Variants in PSD3 observed in about 807,000 individuals in gnomAD.
PSD3 encodes the protein PH and SEC7 domain-containing protein 3.
Under a neutral mutation model 105.5 loss-of-function variants are expected in PSD3, and 49 were observed. That is an observed-to-expected ratio of 0.46 (90% CI 0.37 to 0.59). The LOEUF (loss-of-function observed/expected upper bound fraction) is 0.59, where lower values mean the gene tolerates loss of function less well. Among genes scored for constraint, PSD3 ranks in the 20% least tolerant of loss-of-function variants. The pLI is 0.00. For synonymous variants in PSD3, 557 were observed against 457.8 expected, an observed-to-expected ratio of 1.22 and a Z score of -2.77; for missense variants, 1,561 against 1,263.8, an observed-to-expected ratio of 1.24 and a Z score of -3.57.
At chr8:18,857,327 T>A (rs907350578) in intron 4 of PSD3, among the ~76,000 whole-genome samples, 2 of 152,204 alleles carry the variant, frequency 1.3e-5, no homozygotes, top group African/African-American at 4.8e-5. Context: ...GGGAATGTGT[T>A]AAAATGCAAA....
At chr8:18,637,816 A>G (rs1479472278) in intron 10 of PSD3, among the ~76,000 whole-genome samples, 13 of 152,196 alleles carry the variant, frequency 8.5e-5, no homozygotes, top group Admixed American at 1.3e-4. Context: ...ATCAATCTGG[A>G]AGAAAGATTT....
chr8:18,706,695 G>T (rs1292037234), intron 9 of PSD3, among the ~76,000 whole-genome samples: 1 of 152,192 alleles, frequency 6.6e-6, no homozygotes, highest in Non-Finnish European at 1.5e-5. Flanking sequence ...TGTGAGGTTT[G>T]TGGACCTTTG....
At chr8:18,883,072 A>G (rs980133414) in intron 2 of PSD3, among the ~76,000 whole-genome samples, 1 of 152,148 alleles carries the variant, frequency 6.6e-6, no homozygotes, top group African/African-American at 2.4e-5. Context: ...CTTGTTAGAA[A>G]TTCAGACTCT....
intron 1 of PSD3, among the ~76,000 whole-genome samples, chr8:18,972,391 T>C (rs922599136): frequency 6.6e-6 from 1 of 152,212 alleles, no homozygotes; most frequent in Non-Finnish European, 1.5e-5. Flanking sequence ...AACAGACAGA[T>C]GTGATCAAAG....
At chr8:18,872,762 C>T (rs1304024342) in intron 2 of PSD3, 29 bp from the exon 3 acceptor site, 32 of 1,514,064 alleles carry the variant, frequency 2.1e-5, no homozygotes, top group Non-Finnish European at 2.7e-5. Context: ...GGACATATGA[C>T]TTGTTGTAGA....
intron 10 of PSD3, among the ~76,000 whole-genome samples, chr8:18,645,500 T>C (rs1368822817): frequency 6.6e-6 from 1 of 152,210 alleles, no homozygotes; most frequent in African/African-American, 2.4e-5. Context: ...TGAATATAAA[T>C]AGAACAATCA....
rs1339440074 is a variant in PSD3 at position 18,774,734 on chromosome 8, G to T, written c.2083-9196C>A. ...TCCTGAGGTTTGTTTTCTGAGTTTGGCTAATGACGGTGAGAACACAGGCAA... is the reference window on the plus strand; with the variant it reads ...TCCTGAGGTTTGTTTTCTGAGTTTGTCTAATGACGGTGAGAACACAGGCAA... On this transcript the variant is annotated intron_variant, in intron 8 of 15. Coordinates refer to ENST00000327040, the MANE Select transcript of PSD3 (RefSeq NM_015310.4). 3.6e-5 allele frequency: 13 copies of T among 363,444 alleles called. No homozygotes were observed. The Admixed American group carries it at 3.7e-4, about 10-fold the overall frequency. The allele number at this position is 363,444 out of a possible 1,614,324, so 22.5% of individuals were successfully genotyped here.
At chr8:18,950,681 G>A (rs182601751) in intron 1 of PSD3, among the ~76,000 whole-genome samples, 1 of 151,900 alleles carries the variant, frequency 6.6e-6, no homozygotes, top group Non-Finnish European at 1.5e-5. Context: ...ACATCACTTT[G>A]TACCCCATAA....
chr8:18,679,024 G>A (rs10108423), intron 9 of PSD3, among the ~76,000 whole-genome samples: 23,693 of 113,262 alleles, frequency 0.21, 5,167 homozygotes, highest in African/African-American at 0.55. Flanking sequence ...ACAAAAATAT[G>A]TAAAGACATT....
At chr8:19,009,250 C>A (rs1826843779) in intron 1 of PSD3, among the ~76,000 whole-genome samples, 1 of 151,660 alleles carries the variant, frequency 6.6e-6, no homozygotes, top group Admixed American at 6.6e-5. Flanking sequence ...ATGAATTAGT[C>A]ATCCAATATT....
chr8:18,594,184 AT>A (rs1236707463), intron 12 of PSD3, among the ~76,000 whole-genome samples: 1 of 42,898 alleles, frequency 2.3e-5, no homozygotes, highest in African/African-American at 7.8e-5. Flanking sequence ...TATAATATAT[AT>A]TATTATATAC....
intron 12 of PSD3, among the ~76,000 whole-genome samples, chr8:18,593,119 A>C (rs1803736933): frequency 6.6e-6 from 1 of 152,246 alleles, no homozygotes; most frequent in African/African-American, 2.4e-5. Context: ...CAAAATTGAC[A>C]AATGGGATCT....
chr8:18,891,320 A>T (rs1294861643), intron 2 of PSD3, among the ~76,000 whole-genome samples: 1 of 152,214 alleles, frequency 6.6e-6, no homozygotes, highest in Non-Finnish European at 1.5e-5. Context: ...ATAAAATCAC[A>T]TAATACATTA....
chr8:18,535,931 T>A lies in PSD3; in HGVS notation c.2956A>T (p.Ile986Phe). The change falls in exon 16 of 16, where the codon ATT becomes TTT. Residue 986 changes from isoleucine to phenylalanine, a missense_variant. Physicochemically the swap from Ile to Phe is conservative, Grantham distance 21 (BLOSUM62 0). Coordinates refer to ENST00000327040, the MANE Select transcript of PSD3 (RefSeq NM_015310.4). ...AGCTCTTTGCCTCCTTCCTTGAGAA[T>A]GCTGACATACATTTCATAGCGGGTT... The part of the protein sequence containing the change: ...EKTRYEMYVS[I>F]LKEGGKELLS... The A allele has an allele frequency of 6.2e-7, 1 of 1,614,196 alleles. No homozygotes were observed. Among genetic ancestry groups the A allele is most frequent in the Non-Finnish European group, 8.5e-7 (1 of 1,180,024 alleles).
chr8:18,588,872 C>A (rs17643952), intron 12 of PSD3, among the ~76,000 whole-genome samples: 4,866 of 150,794 alleles, frequency 0.032, 184 homozygotes, highest in East Asian at 0.12. Flanking sequence ...CATCACTCCT[C>A]TCAAATGTTG....
chr8:18,885,519 C>T (rs1160855973), intron 2 of PSD3, among the ~76,000 whole-genome samples: 1 of 152,140 alleles, frequency 6.6e-6, no homozygotes, highest in African/African-American at 2.4e-5. Context: ...GAGTTCTTCA[C>T]AGTGATGATC....
At chr8:18,754,245 G>A (rs1233073676) in intron 9 of PSD3, among the ~76,000 whole-genome samples, 2 of 152,142 alleles carry the variant, frequency 1.3e-5, no homozygotes, top group East Asian at 1.9e-4. Context: ...TTAGGAGGGC[G>A]TGGTGGCGGA....
chr8:18,803,388 A>AGTGTGTGTGTGTGTGT (rs1213067142), intron 6 of PSD3: 728 of 28,674 alleles, frequency 0.025, 12 homozygotes, highest in Admixed American at 0.15. Context: ...CAATCTATAA[A>AGTGTGTGTGTGTGTGT]CTGTGTGTGT....
At chr8:18,735,264 G>T (rs1029479109) in intron 9 of PSD3, among the ~76,000 whole-genome samples, 1 of 152,032 alleles carries the variant, frequency 6.6e-6, no homozygotes, top group Non-Finnish European at 1.5e-5. Flanking sequence ...GTTGAGATAC[G>T]GAAATAATGG....
Sources: allele counts gnomAD v4.1 joint callset (sites outside exome capture counted in the v4.1 genomes callset), GRCh38; gene constraint gnomAD v4.1.1; transcripts MANE v1.5; gene names NCBI Gene and HGNC (gene_info 2026-07-23, HGNC 2026-07-21).